GOLGA4: variants seen among roughly 807,000 people sequenced by gnomAD.
GOLGA4 encodes golgin subfamily A member 4.
Under a neutral mutation model 265.9 loss-of-function variants are expected in GOLGA4, and 169 were observed. The ratio of observed to expected loss-of-function variants is 0.64; its 90% confidence interval spans 0.56 to 0.72. GOLGA4 has a LOEUF of 0.72. Among genes scored for constraint, GOLGA4 ranks in the 30% least tolerant of loss-of-function variants. GOLGA4 has a pLI of 0.00. For missense variants in GOLGA4, 2,482 were observed against 2,483.4 expected, an observed-to-expected ratio of 1.00 and a Z score of 0.01; for synonymous variants, 923 against 855.8, an observed-to-expected ratio of 1.08 and a Z score of -1.37.
chr3:37,335,068 A>G lies in GOLGA4; in HGVS notation c.6208A>G (p.Met2070Val), dbSNP rs765825503. Reference protein sequence around the residue: ...EEILDAREEEMTAKVRDLQTQ... With the variant: ...EEILDAREEEVTAKVRDLQTQ... ...AATCCTAAAGGCTCGTGAAGAAGAA[A>G]TGACTGCAAAAGTAAGGGACCTGCA... Residue 2070 changes from methionine to valine, a missense_variant, in exon 17 of 24, where the codon ATG becomes GTG. Physicochemically the swap from Met to Val is conservative, Grantham distance 21 (BLOSUM62 1). Around this residue, in one of 3 missense-constraint regions of GOLGA4, gnomAD observed 942 missense variants for 983.1 expected, o/e 0.96. Transcript: ENST00000361924. 4 of 1,594,354 alleles carry G rather than the reference A, an allele frequency of 2.5e-6. No individual in the cohort carries two copies. In the South Asian group the frequency reaches 4.5e-5, roughly 18 times the overall value.
intron 4 of GOLGA4, 129 bp downstream of exon 4, chr3:37,286,190 A>G: frequency 2.1e-6 from 1 of 472,244 alleles, no homozygotes; most frequent in South Asian, 2.8e-5. Context: ...TCTGTCGCCC[A>G]GGCTGGACTG....
intron 10 of GOLGA4, among the ~76,000 whole-genome samples, chr3:37,312,171 A>AAT (rs2096924788): frequency 6.6e-6 from 1 of 152,222 alleles, no homozygotes; most frequent in East Asian, 1.9e-4. Flanking sequence ...TATGCTGGAT[A>AAT]ATAATGAAAA....
intron 10 of GOLGA4, among the ~76,000 whole-genome samples, chr3:37,312,263 T>C (rs2096925054): frequency 6.6e-6 from 1 of 152,228 alleles, no homozygotes; most frequent in African/African-American, 2.4e-5. Flanking sequence ...CAACACAAAC[T>C]AATTAGGCAG....
At chr3:37,349,064 C>T (rs1232241747) in intron 21 of GOLGA4, among the ~76,000 whole-genome samples, 7 of 152,106 alleles carry the variant, frequency 4.6e-5, no homozygotes, top group African/African-American at 1.2e-4. Context: ...TCTTCAGCGT[C>T]GATTCTCCTT....
At chr3:37,300,395 C>A (rs992410106) in intron 9 of GOLGA4, among the ~76,000 whole-genome samples, 1 of 152,094 alleles carries the variant, frequency 6.6e-6, no homozygotes, top group African/African-American at 2.4e-5. Flanking sequence ...TCAGAGCTGT[C>A]CTGCTGTTAA....
At chr3:37,347,413 G>T (rs1047940881) in intron 21 of GOLGA4, 117 bp downstream of exon 21, 1 of 570,322 alleles carries the variant, frequency 1.8e-6, no homozygotes, top group African/African-American at 1.9e-5. Context: ...CATGCTAATA[G>T]TAGGTAATAG....
At chr3:37,314,254 C>T (rs1248295583) in intron 10 of GOLGA4, among the ~76,000 whole-genome samples, 2 of 152,106 alleles carry the variant, frequency 1.3e-5, no homozygotes, top group African/African-American at 4.8e-5. Flanking sequence ...AGCCAATGTG[C>T]TGGGTCACAT....
chr3:37,340,838 A>G (rs904435726), intron 20 of GOLGA4, among the ~76,000 whole-genome samples: 3 of 152,142 alleles, frequency 2.0e-5, no homozygotes, highest in South Asian at 4.1e-4. Flanking sequence ...TACAATGAAT[A>G]TATTTTACCT....
At chr3:37,311,987 CAG>C (rs768048469) in intron 10 of GOLGA4, among the ~76,000 whole-genome samples, 20 of 152,056 alleles carry the variant, frequency 1.3e-4, no homozygotes, top group South Asian at 8.3e-4. Context: ...AAAATGAAAA[CAG>C]AAAATTCACT....
At chr3:37,322,724 T>C (rs1261741791) in intron 13 of GOLGA4, among the ~76,000 whole-genome samples, 1 of 152,090 alleles carries the variant, frequency 6.6e-6, no homozygotes, top group Non-Finnish European at 1.5e-5. Context: ...TTTCCAGCTC[T>C]GACATTCTGT....
chr3:37,248,196 A>G (rs2096724620), intron 1 of GOLGA4, among the ~76,000 whole-genome samples: 1 of 152,166 alleles, frequency 6.6e-6, no homozygotes, highest in Admixed American at 6.5e-5. Flanking sequence ...GGCAGTCTTG[A>G]ACTCCTGGCC....
At chr3:37,359,410 A>T (rs1559476490) in intron 22 of GOLGA4, among the ~76,000 whole-genome samples, 2 of 152,200 alleles carry the variant, frequency 1.3e-5, no homozygotes, top group Non-Finnish European at 2.9e-5. Context: ...TTCCTTTGTT[A>T]TATGGAAACC....
At chr3:37,257,846 A>G (rs1199837177) in intron 2 of GOLGA4, among the ~76,000 whole-genome samples, 1 of 146,156 alleles carries the variant, frequency 6.8e-6, no homozygotes, top group Non-Finnish European at 1.5e-5. Flanking sequence ...CAACTTTCAT[A>G]TTGTTTTTAA....
At chr3:37,285,221 G>A (rs1427075477) in intron 3 of GOLGA4, among the ~76,000 whole-genome samples, 2 of 147,126 alleles carry the variant, frequency 1.4e-5, no homozygotes, top group East Asian at 4.0e-4. Context: ...GGCTGGTCTC[G>A]AACTCTTGGG....
intron 20 of GOLGA4, 59 bp from the exon 21 acceptor site, chr3:37,347,134 G>C: frequency 1.0e-6 from 1 of 961,872 alleles, no homozygotes. Context: ...ATTTTTATAA[G>C]TAATAAGTAG....
intron 7 of GOLGA4, 71 bp from the exon 8 acceptor site, chr3:37,298,762 C>T: frequency 1.0e-6 from 1 of 988,492 alleles, no homozygotes; most frequent in Non-Finnish European, 1.5e-6. Flanking sequence ...TTGACTGTCT[C>T]AGTCATAATT....
At chr3:37,363,815 A>G (rs1696530728) in intron 23 of GOLGA4, among the ~76,000 whole-genome samples, 3 of 152,178 alleles carry the variant, frequency 2.0e-5, no homozygotes, top group Admixed American at 1.3e-4. Flanking sequence ...GAGATTTCAC[A>G]TTGCATTTAG....
intron 5 of GOLGA4, among the ~76,000 whole-genome samples, chr3:37,291,735 G>A (rs1353031549): frequency 6.6e-6 from 1 of 152,186 alleles, no homozygotes; most frequent in Non-Finnish European, 1.5e-5. Context: ...GTGAAATGTT[G>A]GGGGCAAAGA....
At chr3:37,297,387 A>T (rs2096881311) in intron 7 of GOLGA4, among the ~76,000 whole-genome samples, 1 of 151,728 alleles carries the variant, frequency 6.6e-6, no homozygotes, top group Admixed American at 6.6e-5. Flanking sequence ...AAAGAGATGG[A>T]GAAAGTTGCA....
Sources: gnomAD v4.1 joint callset for allele counts (sites outside exome capture counted in the v4.1 genomes callset) on GRCh38, gnomAD v4.1.1 for gene constraint, gnomAD v4.1.1 regional missense constraint, MANE v1.5 for transcripts, NCBI Gene and HGNC (gene_info 2026-07-23, HGNC 2026-07-21) for gene names.